BAG2: variants seen among roughly 807,000 people sequenced by gnomAD.
BAG2 encodes BAG cochaperone 2, also known as BAG family molecular chaperone regulator 2.
BAG2 carries 8 observed loss-of-function variants against 16.4 expected under a neutral mutation model. The observed-to-expected ratio is 0.49, with a 90% CI of 0.29 to 0.88. The LOEUF is 0.88. BAG2 is among the 40% of genes least tolerant of loss of function. The pLI, the probability that BAG2 is intolerant of heterozygous loss-of-function variation, is 0.09. For synonymous variants in BAG2, 82 were observed against 89.2 expected (o/e 0.92, Z 0.46); for missense variants, 218 against 248.9 (o/e 0.88, Z 0.84).
rs1268185707 is a variant in BAG2 at position 57,172,377 on chromosome 6, G to C, written c.-321G>C. ...CTCGGTCTCTGCGTCCGCCCCTCCCGTGCCTCAGAGACTTGCGCTCCCCAG... is the reference window on the plus strand; with the variant it reads ...CTCGGTCTCTGCGTCCGCCCCTCCCCTGCCTCAGAGACTTGCGCTCCCCAG... On this transcript the variant is annotated 5_prime_UTR_variant, in exon 1 of 3. Coordinates refer to ENST00000370693, the MANE Select transcript of BAG2 (RefSeq NM_004282.4). 1 of 185,698 alleles carries C rather than the reference G, an allele frequency of 5.4e-6. No homozygotes were observed. Among genetic ancestry groups the C allele is most frequent in the South Asian group, 1.9e-4 (1 of 5,378 alleles). 11.5% of individuals were successfully genotyped at this position (185,698 alleles called of 1,614,324 possible).
chr6:57,182,008 G>T, intron 1 of BAG2, 24 bp from the exon 2 acceptor site: 1 of 1,600,892 alleles, frequency 6.2e-7, no homozygotes, highest in Non-Finnish European at 8.6e-7. Flanking sequence ...TACAATAACC[G>T]TTTTGTTTTC....
chr6:57,172,689 G>T lies in BAG2; in HGVS notation c.-9G>T. ...GTGACCTCTTGGCTACCCCGCGTCGGAGGCTTAGATGGCTCAGGCGAAGAT... is the reference window on the plus strand; with the variant it reads ...GTGACCTCTTGGCTACCCCGCGTCGTAGGCTTAGATGGCTCAGGCGAAGAT... On this transcript the variant is annotated 5_prime_UTR_variant, in exon 1 of 3. Coordinates refer to ENST00000370693, the MANE Select transcript of BAG2 (RefSeq NM_004282.4). The T allele has an allele frequency of 6.5e-7, 1 of 1,530,956 alleles. No homozygotes were observed. Among genetic ancestry groups the T allele is most frequent in the East Asian group, 2.7e-5 (1 of 37,010 alleles). The allele number at this position is 1,530,956 out of a possible 1,614,324, so 94.8% of individuals were successfully genotyped here.
intron 1 of BAG2, among the ~76,000 whole-genome samples, chr6:57,176,669 G>A (rs578079816): frequency 6.6e-6 from 1 of 152,342 alleles, no homozygotes; most frequent in South Asian, 2.1e-4. Context: ...CCCAGGTAGT[G>A]AAGGGATGGG....
chr6:57,183,212 A>T lies in BAG2; in HGVS notation c.224-566A>T, dbSNP rs575536126. On this transcript the variant is annotated intron_variant, in intron 2 of 2. Transcript: ENST00000370693. ...AAGTTACAGAAGCAGGAGCTTGCTGACTTTCTCATATAAATAATGAAATGT... is the reference window on the plus strand; with the variant it reads ...AAGTTACAGAAGCAGGAGCTTGCTGTCTTTCTCATATAAATAATGAAATGT... Among the ~76,000 whole-genome samples, 4 of 152,328 alleles carry T rather than the reference A, an allele frequency of 2.6e-5. No individual in the cohort carries two copies. The South Asian group carries it at 8.3e-4, about 32-fold the overall frequency.
chr6:57,188,372 TA>T lies in BAG2; in HGVS notation c.*4186del, dbSNP rs1466057819. 3 of 152,120 alleles carry T rather than the reference TA, an allele frequency of 2.0e-5. No individual in the cohort carries two copies. Among genetic ancestry groups the T allele is most frequent in the Non-Finnish European group, 4.4e-5 (3 of 67,976 alleles). 9.4% of individuals were successfully genotyped at this position (152,120 alleles called of 1,614,324 possible). Reference sequence around the variant, plus strand: ...TCTTCAGTTCTTATTTAAAAAAAGATAAAACTAGGTACATAAAATTATATTA... The same window carrying T: ...TCTTCAGTTCTTATTTAAAAAAAGATAAACTAGGTACATAAAATTATATTA... On this transcript the variant is annotated 3_prime_UTR_variant, in exon 3 of 3. Transcript: ENST00000370693.
rs1342614659 is a variant in BAG2, at chr6:57,187,917, A to T, written c.*3727A>T. The T allele has an allele frequency of 6.6e-6, 1 of 152,136 alleles. No individual in the cohort carries two copies. The highest frequency in any genetic ancestry group is 2.4e-5 in the African/African-American group (1 of 41,434). The allele number at this position is 152,136 out of a possible 1,614,324, so 9.4% of individuals were successfully genotyped here. On this transcript the variant is annotated 3_prime_UTR_variant, in exon 3 of 3. Transcript: ENST00000370693. ...GGGCAGATACAAAGGAAATCATTTA[A>T]CCTGGTTTTATTTAACTATATTGCC...
chr6:57,184,403 ATTCTT>A lies in BAG2; in HGVS notation c.*214_*218del, dbSNP rs1345141336. The stretch of plus-strand genomic sequence containing the variant: ...TCTATCTAGAGATTTTTTAGATTGA[ATTCTT>A]GTCTTGTACTAGGATCTAGCATATT... On this transcript the variant is annotated 3_prime_UTR_variant, in exon 3 of 3. Coordinates refer to ENST00000370693, the MANE Select transcript of BAG2 (RefSeq NM_004282.4). 4 of 402,552 alleles carry A rather than the reference ATTCTT, an allele frequency of 9.9e-6. No homozygotes were observed. The highest frequency in any genetic ancestry group is 1.3e-5 in the Non-Finnish European group (3 of 234,012). 24.9% of individuals were successfully genotyped at this position (402,552 alleles called of 1,614,324 possible).
In BAG2 at chr6:57,184,374, AT is replaced by A. The variant is rs1279189305; in HGVS notation, c.*186del. ...GAATAACAAAACTAGCAATATTTTA[AT>A]TATCTATCTAGAGATTTTTTAGATT... On this transcript the variant is annotated 3_prime_UTR_variant, in exon 3 of 3. Coordinates refer to ENST00000370693, the MANE Select transcript of BAG2 (RefSeq NM_004282.4). 2.0e-6 allele frequency: 1 copy of A among 488,718 alleles called. No homozygotes were observed. Among genetic ancestry groups the A allele is most frequent in the Non-Finnish European group, 3.3e-6 (1 of 298,806 alleles). 30.3% of individuals were successfully genotyped at this position (488,718 alleles called of 1,614,324 possible).
chr6:57,175,382 G>A (rs1764250419), intron 1 of BAG2, among the ~76,000 whole-genome samples: 1 of 152,024 alleles, frequency 6.6e-6, no homozygotes, highest in African/African-American at 2.4e-5. Context: ...ACAGTCTTAC[G>A]TTATAATGTT....
rs997450012 is a variant in BAG2 at position 57,173,421 on chromosome 6, T to C, written c.113+611T>C. On this transcript the variant is annotated intron_variant, in intron 1 of 2. Transcript: ENST00000370693. Reference sequence around the variant, plus strand: ...GACGTTGCCGCTTCTGTTTCTCCCCTAACCTCGCGGACGGGATTCAGCGGT... The same window carrying C: ...GACGTTGCCGCTTCTGTTTCTCCCCCAACCTCGCGGACGGGATTCAGCGGT... 3 of 985,190 alleles carry C rather than the reference T, an allele frequency of 3.0e-6. No homozygotes were observed. The African/African-American group carries it at 5.2e-5, about 17-fold the overall frequency. 61.0% of individuals were successfully genotyped at this position (985,190 alleles called of 1,614,324 possible).
chr6:57,183,692 A>C, intron 2 of BAG2, 86 bp from the exon 3 acceptor site: 1 of 1,235,342 alleles, frequency 8.1e-7, no homozygotes, highest in Non-Finnish European at 1.1e-6. Context: ...TTCATGGCAG[A>C]GGTAAAGAAA....
At chr6:57,174,146 A>C in intron 1 of BAG2, 2 of 1,022,658 alleles carry the variant, frequency 2.0e-6, no homozygotes, top group Non-Finnish European at 2.4e-6. Flanking sequence ...GAGCGAAAGT[A>C]GAAATTGGTG....
chr6:57,175,631 A>G (rs545999988), intron 1 of BAG2, among the ~76,000 whole-genome samples: 1 of 152,308 alleles, frequency 6.6e-6, no homozygotes, highest in South Asian at 2.1e-4. Context: ...TCACTTTTCT[A>G]CATGGTTGTC....
chr6:57,182,673 A>G (rs1764500539), intron 2 of BAG2, among the ~76,000 whole-genome samples: 1 of 151,962 alleles, frequency 6.6e-6, no homozygotes, highest in African/African-American at 2.4e-5. Flanking sequence ...TTTTTTTGAG[A>G]TGGAGTTTTA....
At chr6:57,182,531 A>G (rs988202359) in intron 2 of BAG2, among the ~76,000 whole-genome samples, 2 of 130,536 alleles carry the variant, frequency 1.5e-5, no homozygotes, top group Non-Finnish European at 3.2e-5. Flanking sequence ...AGTAGAGACC[A>G]AAAAAAAAAA....
chr6:57,183,337 T>C (rs1272143299), intron 2 of BAG2, among the ~76,000 whole-genome samples: 1 of 152,216 alleles, frequency 6.6e-6, no homozygotes, highest in African/African-American at 2.4e-5. Flanking sequence ...AGAAGACAGC[T>C]TATCTTCTAT....
At position 57,188,479 on chromosome 6, in the gene BAG2, A is replaced by AAAAG. The variant is rs1764698080; in HGVS notation, c.*4292_*4295dup. The AAAAG allele has an allele frequency of 6.6e-6, 1 of 152,196 alleles. No individual in the cohort carries two copies. The highest frequency in any genetic ancestry group is 2.4e-5 in the African/African-American group (1 of 41,460). 9.4% of individuals were successfully genotyped at this position (152,196 alleles called of 1,614,324 possible). ...GCTTTTAGCCACACAGCTAACATGAAAAAGAACTAACTAGAACACATATAA... is the reference window on the plus strand; with the variant it reads ...GCTTTTAGCCACACAGCTAACATGAAAAAGAAAGAACTAACTAGAACACATATAA... On this transcript the variant is annotated 3_prime_UTR_variant, in exon 3 of 3. Transcript: ENST00000370693.
intron 2 of BAG2, among the ~76,000 whole-genome samples, chr6:57,182,771 C>G (rs1183975081): frequency 6.6e-6 from 1 of 152,152 alleles, no homozygotes; most frequent in Non-Finnish European, 1.5e-5. Context: ...CTGCCTCAGC[C>G]TCCCGAGTAG....
intron 1 of BAG2, 24 bp downstream of exon 1, chr6:57,172,834 G>A (rs1203699808): frequency 2.0e-6 from 3 of 1,463,448 alleles, no homozygotes; most frequent in Non-Finnish European, 2.7e-6. Flanking sequence ...GGGCGGTCTC[G>A]GGCGTTCTGC....
Sources: gnomAD v4.1 joint callset for allele counts (sites outside exome capture counted in the v4.1 genomes callset) on GRCh38, gnomAD v4.1.1 for gene constraint, MANE v1.5 for transcripts, NCBI Gene and HGNC (gene_info 2026-07-23, HGNC 2026-07-21) for gene names.